The following WWOX variants were observed in gnomAD, a reference collection of about 807,000 sequenced individuals.
WWOX encodes the protein WW domain-containing oxidoreductase.
Under a neutral mutation model 46.2 loss-of-function variants are expected in WWOX, and 69 were observed. The observed-to-expected ratio is 1.49, with a 90% CI of 1.23 to 1.82. The LOEUF is 1.82. Among genes scored for constraint, WWOX ranks in the 40% most tolerant of loss-of-function variants. The pLI is 0.00. For missense variants in WWOX, 919 were observed against 542.6 expected, an observed-to-expected ratio of 1.69 and a Z score of -6.89; for synonymous variants, 359 against 202.6, an observed-to-expected ratio of 1.77 and a Z score of -6.56.
chr16:78,635,170 A>G lies in WWOX; in HGVS notation c.1056+202418A>G, dbSNP rs2046537804. 2.6e-5 allele frequency among the ~76,000 whole-genome samples: 4 copies of G among 152,194 alleles called. No individual in the cohort carries two copies. The South Asian group carries it at 8.3e-4, about 32-fold the overall frequency. On this transcript the variant is annotated intron_variant, in intron 8 of 8. Transcript: ENST00000566780. ...GTACCTCTTGCCACTCAACATCTGC[A>G]GTCAAAGGCTTCCTGACTCAGGATT...
At chr16:79,138,805 G>A (rs553818091) in intron 8 of WWOX, among the ~76,000 whole-genome samples, 1 of 152,266 alleles carries the variant, frequency 6.6e-6, no homozygotes, top group African/African-American at 2.4e-5. Context: ...AGAGATGCAG[G>A]CCCACAGTAG....
At chr16:78,141,369 C>T (rs1454934533) in intron 4 of WWOX, among the ~76,000 whole-genome samples, 2 of 151,174 alleles carry the variant, frequency 1.3e-5, no homozygotes, top group South Asian at 2.1e-4. Context: ...AGTGTTTTCA[C>T]AGGTCTCTGC....
intron 8 of WWOX, chr16:79,202,753 A>G (rs984665937): frequency 3.3e-5 from 5 of 152,246 alleles, no homozygotes; most frequent in African/African-American, 1.2e-4. Context: ...GAATAGCAGC[A>G]TGCATAGCTT....
intron 5 of WWOX, among the ~76,000 whole-genome samples, chr16:78,356,653 C>T (rs963801625): frequency 2.0e-5 from 3 of 152,096 alleles, no homozygotes; most frequent in Non-Finnish European, 1.5e-5. Flanking sequence ...GAGGCCAAGG[C>T]GAGTGGATCA....
chr16:79,089,705 G>A (rs976791183), intron 8 of WWOX, among the ~76,000 whole-genome samples: 8 of 152,110 alleles, frequency 5.3e-5, no homozygotes, highest in African/African-American at 1.2e-4. Flanking sequence ...TTTTCCAGTC[G>A]CCTAAGCGTT....
chr16:78,422,267 T>C (rs1424943830), intron 6 of WWOX, among the ~76,000 whole-genome samples: 3 of 152,180 alleles, frequency 2.0e-5, no homozygotes, highest in Non-Finnish European at 1.5e-5. Flanking sequence ...AGATTTTAAT[T>C]TCTATAAAGA....
intron 8 of WWOX, among the ~76,000 whole-genome samples, chr16:78,743,252 A>G (rs2049273433): frequency 6.6e-6 from 1 of 152,160 alleles, no homozygotes; most frequent in Non-Finnish European, 1.5e-5. Flanking sequence ...GTGCAAGGTG[A>G]CAGTGAGGAG....
At chr16:78,538,172 T>A (rs1669413744) in intron 8 of WWOX, among the ~76,000 whole-genome samples, 1 of 140,520 alleles carries the variant, frequency 7.1e-6, no homozygotes, top group South Asian at 2.2e-4. Flanking sequence ...TCTCTAGCCT[T>A]CTGAAGAAGA....
intron 8 of WWOX, chr16:79,004,287 C>T (rs1324790594): frequency 6.6e-6 from 1 of 152,318 alleles, no homozygotes; most frequent in African/African-American, 2.4e-5. Flanking sequence ...GGCAGTACCG[C>T]ATGGCGAGCC....
chr16:79,092,842 C>A (rs187628380), intron 8 of WWOX, among the ~76,000 whole-genome samples: 1 of 152,240 alleles, frequency 6.6e-6, no homozygotes, highest in East Asian at 1.9e-4. Context: ...CACTCAGGCC[C>A]CTCAGCCCTC....
intron 5 of WWOX, among the ~76,000 whole-genome samples, chr16:78,260,876 G>C (rs918620638): frequency 6.8e-6 from 1 of 146,458 alleles, no homozygotes; most frequent in African/African-American, 2.6e-5. Flanking sequence ...GGTGGAGGTT[G>C]CAGTGAGCCG....
intron 8 of WWOX, among the ~76,000 whole-genome samples, chr16:78,442,251 A>T (rs760925188): frequency 6.6e-6 from 1 of 152,148 alleles, no homozygotes; most frequent in African/African-American, 2.4e-5. Flanking sequence ...GTCAACTTAC[A>T]TAGCTATCAT....
intron 5 of WWOX, among the ~76,000 whole-genome samples, chr16:78,333,378 A>T (rs2080809020): frequency 6.6e-6 from 1 of 152,018 alleles, no homozygotes; most frequent in South Asian, 2.1e-4. Flanking sequence ...TACATTTTTT[A>T]AAATTTTATT....
At chr16:79,007,989 C>G (rs929064047) in intron 8 of WWOX, among the ~76,000 whole-genome samples, 2 of 152,194 alleles carry the variant, frequency 1.3e-5, no homozygotes, top group Non-Finnish European at 2.9e-5. Context: ...TATTTGTTAT[C>G]TCATAGCTCC....
At chr16:79,142,923 T>TG (rs1174773899) in intron 8 of WWOX, among the ~76,000 whole-genome samples, 1 of 152,104 alleles carries the variant, frequency 6.6e-6, no homozygotes, top group Non-Finnish European at 1.5e-5. Flanking sequence ...AGGCTGATCT[T>TG]GAACTCCTGG....
At chr16:78,562,222 A>G (rs955880723) in intron 8 of WWOX, among the ~76,000 whole-genome samples, 7 of 152,298 alleles carry the variant, frequency 4.6e-5, no homozygotes, top group African/African-American at 1.7e-4. Context: ...GGAGAAGGAA[A>G]TAAGAGCCTC....
chr16:79,159,111 T>G (rs558592021), intron 8 of WWOX, among the ~76,000 whole-genome samples: 1 of 152,218 alleles, frequency 6.6e-6, no homozygotes, highest in Non-Finnish European at 1.5e-5. Context: ...TAATTTCATG[T>G]AAATTTCTCT....
At chr16:78,263,396 A>T (rs1205773433) in intron 5 of WWOX, among the ~76,000 whole-genome samples, 2 of 152,124 alleles carry the variant, frequency 1.3e-5, no homozygotes, top group Non-Finnish European at 2.9e-5. Flanking sequence ...TTAATTCAGG[A>T]TGTGGGGTCC....
rs541698888 is a variant in WWOX at position 78,345,744 on chromosome 16, T to C, written c.517-41116T>C. ...GTGAAATGGCCATTAATACTGCTGT[T>C]CTTAACTCTGAAAGCAGAGTGGGCC... is the stretch of plus-strand genomic sequence containing the variant. On this transcript the variant is annotated intron_variant, in intron 5 of 8. Coordinates refer to ENST00000566780, the MANE Select transcript of WWOX (RefSeq NM_016373.4). Among the ~76,000 whole-genome samples, 242 of 117,240 alleles carry C rather than the reference T, an allele frequency of 2.1e-3. 73 individuals are homozygous for C. The highest frequency in any genetic ancestry group is 2.9e-3 in the Non-Finnish European group (142 of 49,602). The allele number at this position is 117,240 out of a possible 152,430, so 76.9% of individuals were successfully genotyped here.
Sources: gnomAD v4.1 joint callset for allele counts (sites outside exome capture counted in the v4.1 genomes callset) on GRCh38, gnomAD v4.1.1 for gene constraint, MANE v1.5 for transcripts, NCBI Gene and HGNC (gene_info 2026-07-23, HGNC 2026-07-21) for gene names.